The following TTC27 variants were observed in gnomAD, a reference collection of about 807,000 sequenced individuals.
TTC27 encodes tetratricopeptide repeat domain 27, also known as tetratricopeptide repeat protein 27.
Under a neutral mutation model 115.9 loss-of-function variants are expected in TTC27, and 79 were observed. The ratio of observed to expected loss-of-function variants is 0.68; its 90% CI spans 0.57 to 0.82. The LOEUF is 0.82. Ranked by LOEUF, TTC27 falls within the 40% of genes least tolerant of loss-of-function variation. The pLI, the probability that TTC27 is intolerant of heterozygous loss-of-function variation, is 0.00. For missense variants in TTC27, 1,054 were observed against 993.1 expected (o/e 1.06, Z -0.82); for synonymous variants, 401 against 356.0 (o/e 1.13, Z -1.42).
At chr2:32,810,603 C>G (rs1671287063) in intron 16 of TTC27, among the ~76,000 whole-genome samples, 1 of 152,114 alleles carries the variant, frequency 6.6e-6, no homozygotes, top group African/African-American at 2.4e-5. Flanking sequence ...TTGGTGTAAC[C>G]TGTCTGGTAG....
In TTC27 at chr2:32,663,434, G is replaced by A. The variant is rs1402145238; in HGVS notation, c.641-869G>A. Among the ~76,000 whole-genome samples the A allele has an allele frequency of 3.3e-5, 5 of 152,074 alleles. No homozygotes were observed. The East Asian group carries it at 7.7e-4, about 23-fold the overall frequency. On this transcript the variant is annotated intron_variant, in intron 5 of 19. Transcript: ENST00000317907. ...CCTTGGCTAGGAGAGAGAGTTCCAC[G>A]ACCCCTTGTGCTTCCCGGGTGATCG... is the stretch of plus-strand genomic sequence containing the variant.
chr2:32,778,222 T>C (rs1217305468), intron 14 of TTC27, among the ~76,000 whole-genome samples: 1 of 152,258 alleles, frequency 6.6e-6, no homozygotes, highest in African/African-American at 2.4e-5. Context: ...ACTGAATGTA[T>C]AGCAAAGTAT....
intron 16 of TTC27, among the ~76,000 whole-genome samples, chr2:32,796,648 A>G (rs1021914610): frequency 6.6e-6 from 1 of 152,214 alleles, no homozygotes; most frequent in African/African-American, 2.4e-5. Flanking sequence ...AGAAAAACCT[A>G]TCCTAAAATT....
At chr2:32,682,844 G>GTTTT (rs142030247) in intron 9 of TTC27, among the ~76,000 whole-genome samples, 1,001 of 56,878 alleles carry the variant, frequency 0.018, 198 homozygotes, top group Non-Finnish European at 0.023. Flanking sequence ...AATTTTTATT[G>GTTTT]TTGTTTTTTT....
chr2:32,814,814 C>CTAGG (rs1257456288), intron 18 of TTC27, among the ~76,000 whole-genome samples: 2 of 152,200 alleles, frequency 1.3e-5, no homozygotes, highest in Non-Finnish European at 2.9e-5. Context: ...GCTATACCAT[C>CTAGG]TAGGTTTGTG....
chr2:32,702,020 A>ACAAAAC (rs1553553238), intron 9 of TTC27, among the ~76,000 whole-genome samples: 12,554 of 145,522 alleles, frequency 0.086, 807 homozygotes, highest in African/African-American at 0.18. Context: ...CAAAAAAAAA[A>ACAAAAC]AAAAACAAAA....
chr2:32,703,484 A>C (rs906920219), intron 10 of TTC27, among the ~76,000 whole-genome samples: 1 of 152,184 alleles, frequency 6.6e-6, no homozygotes, highest in Non-Finnish European at 1.5e-5. Context: ...TAATAATAAT[A>C]ATGGCACTTA....
At chr2:32,665,388 G>A (rs971616741) in intron 6 of TTC27, among the ~76,000 whole-genome samples, 1 of 152,118 alleles carries the variant, frequency 6.6e-6, no homozygotes, top group East Asian at 1.9e-4. Context: ...TGTGAGGTTA[G>A]TTTCAGAAGT....
intron 10 of TTC27, among the ~76,000 whole-genome samples, chr2:32,705,462 T>C (rs1667335673): frequency 6.6e-6 from 1 of 152,194 alleles, no homozygotes; most frequent in East Asian, 1.9e-4. Flanking sequence ...GCATTTATTC[T>C]TTTCTTTTTA....
At chr2:32,664,626 A>T (rs1665697320) in intron 6 of TTC27, among the ~76,000 whole-genome samples, 159 bp downstream of exon 6, 1 of 152,222 alleles carries the variant, frequency 6.6e-6, no homozygotes. Flanking sequence ...GTTTATAACA[A>T]ATTTGAAATG....
chr2:32,776,097 C>T lies in TTC27; in HGVS notation c.1681-1785C>T, dbSNP rs147285629. On this transcript the variant is annotated intron_variant, in intron 13 of 19. Coordinates refer to ENST00000317907, the MANE Select transcript of TTC27 (RefSeq NM_017735.5). Reference sequence around the variant, plus strand: ...AACCTAGTACCTCTGCTTCTGCCCCCTCCCAGTAGACATATATCCATCCTC... The same window carrying T: ...AACCTAGTACCTCTGCTTCTGCCCCTTCCCAGTAGACATATATCCATCCTC... 3.7e-4 allele frequency among the ~76,000 whole-genome samples: 56 copies of T among 152,294 alleles called. No individual in the cohort carries two copies. The East Asian group carries it at 6.8e-3, about 18-fold the overall frequency.
At chr2:32,649,834 G>A (rs1235185461) in intron 4 of TTC27, among the ~76,000 whole-genome samples, 4 of 151,916 alleles carry the variant, frequency 2.6e-5, no homozygotes, top group Non-Finnish European at 5.9e-5. Flanking sequence ...GTGAGCCATC[G>A]CACCCGGCCA....
chr2:32,733,339 A>G (rs1668354340), intron 10 of TTC27, among the ~76,000 whole-genome samples: 2 of 152,172 alleles, frequency 1.3e-5, no homozygotes, highest in South Asian at 4.1e-4. Flanking sequence ...GTCCAGCCTT[A>G]TTGCTCTGTT....
intron 5 of TTC27, among the ~76,000 whole-genome samples, chr2:32,661,786 C>G (rs933240754): frequency 2.0e-5 from 3 of 152,132 alleles, no homozygotes; most frequent in African/African-American, 7.2e-5. Flanking sequence ...TTGCCCTGGC[C>G]AGTACTTCCA....
chr2:32,737,828 C>A (rs1328619316), intron 12 of TTC27, among the ~76,000 whole-genome samples: 1 of 151,904 alleles, frequency 6.6e-6, no homozygotes, highest in Non-Finnish European at 1.5e-5. Context: ...CCAAGTAAGA[C>A]CCCATCTCTA....
At chr2:32,668,429 T>A (rs1665872014) in intron 7 of TTC27, among the ~76,000 whole-genome samples, 1 of 151,508 alleles carries the variant, frequency 6.6e-6, no homozygotes, top group East Asian at 1.9e-4. Flanking sequence ...TAGGATATGA[T>A]GAGTATTATG....
intron 16 of TTC27, among the ~76,000 whole-genome samples, chr2:32,801,900 A>G (rs2148036995): frequency 6.6e-6 from 1 of 152,348 alleles, no homozygotes; most frequent in East Asian, 1.9e-4. Flanking sequence ...TTCAAAAGAG[A>G]CAAAAACTTA....
chr2:32,744,434 A>G (rs750735969), intron 12 of TTC27, among the ~76,000 whole-genome samples: 3 of 152,198 alleles, frequency 2.0e-5, no homozygotes, highest in Admixed American at 6.5e-5. Flanking sequence ...TTTAATGTTG[A>G]CAACAGCAAT....
At chr2:32,710,310 T>C (rs1320358157) in intron 10 of TTC27, among the ~76,000 whole-genome samples, 2 of 152,212 alleles carry the variant, frequency 1.3e-5, no homozygotes, top group African/African-American at 4.8e-5. Context: ...ATTTGCCTTT[T>C]AGCCATCTCT....
Sources: gnomAD v4.1 joint callset for allele counts (sites outside exome capture counted in the v4.1 genomes callset) on GRCh38, gnomAD v4.1.1 for gene constraint, MANE v1.5 for transcripts, NCBI Gene and HGNC (gene_info 2026-07-23, HGNC 2026-07-21) for gene names.